CDKAL1: variants seen among roughly 807,000 people sequenced by gnomAD.
The protein encoded by CDKAL1 is threonylcarbamoyladenosine tRNA methylthiotransferase.
In CDKAL1, 32 loss-of-function variants were observed where a neutral mutation model predicts 68.2. The ratio of observed to expected loss-of-function variants is 0.47; its 90% CI spans 0.35 to 0.63. The LOEUF is 0.63. Ranked by LOEUF, CDKAL1 falls within the 30% of genes least tolerant of loss-of-function variation. The pLI is 0.00. For synonymous variants in CDKAL1, 234 were observed against 244.3 expected, an observed-to-expected ratio of 0.96 and a Z score of 0.39; for missense variants, 606 against 696.7, an observed-to-expected ratio of 0.87 and a Z score of 1.47.
intron 15 of CDKAL1, among the ~76,000 whole-genome samples, chr6:21,218,857 G>T (rs1258135070): frequency 6.6e-6 from 1 of 152,206 alleles, no homozygotes; most frequent in Non-Finnish European, 1.5e-5. Flanking sequence ...GATTACATAT[G>T]GGTGTGAATA....
At position 20,987,262 on chromosome 6, in the gene CDKAL1, C is replaced by CTTT. The variant is rs1392710913; in HGVS notation, c.910-12949_910-12947dup. 5.6e-3 allele frequency among the ~76,000 whole-genome samples: 761 copies of CTTT among 135,880 alleles called. 11 individuals are homozygous for CTTT. Among genetic ancestry groups the CTTT allele is most frequent in the African/African-American group, 0.019 (701 of 36,806 alleles). 89.1% of individuals were successfully genotyped at this position (135,880 alleles called of 152,430 possible). ...GTTATCTTTGCAGTTTGTCTGGAAA[C>CTTT]TTTTTTTTTTTTTTTTTTGAGACAG... On this transcript the variant is annotated intron_variant, in intron 10 of 15. Transcript: ENST00000274695.
At chr6:20,852,761 T>C (rs1014125876) in intron 9 of CDKAL1, among the ~76,000 whole-genome samples, 4 of 152,146 alleles carry the variant, frequency 2.6e-5, no homozygotes, top group Non-Finnish European at 5.9e-5. Flanking sequence ...CAACAAAGGG[T>C]ACCCTTTTTA....
intron 4 of CDKAL1, among the ~76,000 whole-genome samples, chr6:20,592,433 T>A (rs1765630620): frequency 6.6e-6 from 1 of 151,972 alleles, no homozygotes; most frequent in African/African-American, 2.4e-5. Flanking sequence ...AGGGCATCCT[T>A]GTCTTGTGTG....
intron 5 of CDKAL1, among the ~76,000 whole-genome samples, chr6:20,670,949 T>C (rs1366488937): frequency 6.6e-6 from 1 of 152,218 alleles, no homozygotes; most frequent in African/African-American, 2.4e-5. Context: ...GTTGAGGTTG[T>C]CTGATATTTC....
intron 11 of CDKAL1, among the ~76,000 whole-genome samples, chr6:21,057,030 G>C (rs1476224156): frequency 1.3e-5 from 2 of 152,176 alleles, no homozygotes; most frequent in African/African-American, 4.8e-5. Context: ...GATGATGCTG[G>C]CCTCATAAAA....
At chr6:21,038,588 A>G (rs1769724344) in intron 11 of CDKAL1, among the ~76,000 whole-genome samples, 1 of 152,250 alleles carries the variant, frequency 6.6e-6, no homozygotes. Flanking sequence ...CTAACTTATC[A>G]TAGCAAGCTT....
chr6:20,824,393 G>C (rs1777412856), intron 8 of CDKAL1, among the ~76,000 whole-genome samples: 1 of 152,112 alleles, frequency 6.6e-6, no homozygotes, highest in Non-Finnish European at 1.5e-5. Flanking sequence ...AGGGTCCTCT[G>C]CCAGGCTGCA....
intron 13 of CDKAL1, among the ~76,000 whole-genome samples, chr6:21,130,079 T>G (rs1225269274): frequency 6.6e-6 from 1 of 151,830 alleles, no homozygotes; most frequent in Admixed American, 6.6e-5. Flanking sequence ...TTTTGGGGGG[T>G]TTTTTGTCAT....
rs6907731 is a variant in CDKAL1 at position 20,646,968 on chromosome 6, C to T, written c.287-2325C>T. ...TCATGTTGGCCAGGCTGGTCTCGAA[C>T]TCCTAACCTCAGGTGATCCACCCGC... On this transcript the variant is annotated intron_variant, in intron 4 of 15. Coordinates refer to ENST00000274695, the MANE Select transcript of CDKAL1 (RefSeq NM_017774.3). 0.014 allele frequency among the ~76,000 whole-genome samples: 2,085 copies of T among 152,240 alleles called. 82 individuals are homozygous for T. In the East Asian group the frequency reaches 0.15, roughly 11 times the overall value.
chr6:21,108,298 A>G, intron 12 of CDKAL1, 103 bp from the exon 13 acceptor site: 1 of 624,770 alleles, frequency 1.6e-6, no homozygotes, highest in Non-Finnish European at 2.6e-6. Context: ...AAAAAAAAAA[A>G]CTTTATGTAT....
At chr6:20,684,498 A>G (rs948035266) in intron 5 of CDKAL1, among the ~76,000 whole-genome samples, 2 of 152,208 alleles carry the variant, frequency 1.3e-5, no homozygotes, top group Admixed American at 6.5e-5. Flanking sequence ...TTTTATATGG[A>G]CATAAGTTGT....
chr6:20,926,042 G>T (rs1455337323), intron 9 of CDKAL1, among the ~76,000 whole-genome samples: 2 of 152,110 alleles, frequency 1.3e-5, no homozygotes, highest in South Asian at 4.1e-4. Flanking sequence ...TTCTGAAGAT[G>T]ATATTGTTAG....
intron 8 of CDKAL1, among the ~76,000 whole-genome samples, chr6:20,782,032 T>C (rs1775453799): frequency 6.6e-6 from 1 of 152,222 alleles, no homozygotes; most frequent in East Asian, 1.9e-4. Flanking sequence ...TTTCCTTCTG[T>C]TCTGCTCTTT....
At chr6:20,611,514 T>C (rs1345680680) in intron 4 of CDKAL1, among the ~76,000 whole-genome samples, 1 of 152,232 alleles carries the variant, frequency 6.6e-6, no homozygotes, top group Non-Finnish European at 1.5e-5. Flanking sequence ...ATGTTTGTTA[T>C]GTATTTCAGT....
At chr6:21,156,699 T>C (rs1194681734) in intron 13 of CDKAL1, among the ~76,000 whole-genome samples, 7 of 152,056 alleles carry the variant, frequency 4.6e-5, no homozygotes, top group Non-Finnish European at 1.0e-4. Flanking sequence ...GTAAGGAAGA[T>C]AGTGAGACAT....
At chr6:20,690,498 G>A (rs988353168) in intron 5 of CDKAL1, among the ~76,000 whole-genome samples, 4 of 152,060 alleles carry the variant, frequency 2.6e-5, no homozygotes, top group Non-Finnish European at 4.4e-5. Context: ...CCTTACTACC[G>A]CAGTGTGTGA....
At chr6:21,140,992 A>T (rs1049245878) in intron 13 of CDKAL1, among the ~76,000 whole-genome samples, 9 of 152,094 alleles carry the variant, frequency 5.9e-5, no homozygotes, top group Non-Finnish European at 1.2e-4. Flanking sequence ...AGACTTATTC[A>T]CTATCACGAG....
At chr6:20,720,287 C>T (rs114912630) in intron 5 of CDKAL1, among the ~76,000 whole-genome samples, 1,556 of 152,130 alleles carry the variant, frequency 0.01, 28 homozygotes, top group African/African-American at 0.036. Flanking sequence ...AAAAAATTTG[C>T]ACAAATTTGT....
At chr6:20,976,294 A>G (rs1429866899) in intron 10 of CDKAL1, among the ~76,000 whole-genome samples, 1 of 152,206 alleles carries the variant, frequency 6.6e-6, no homozygotes, top group Non-Finnish European at 1.5e-5. Flanking sequence ...TTATGATTAA[A>G]TATTATTAAA....
Sources: allele counts gnomAD v4.1 joint callset (sites outside exome capture counted in the v4.1 genomes callset), GRCh38; gene constraint gnomAD v4.1.1; transcripts MANE v1.5; gene names NCBI Gene and HGNC (gene_info 2026-07-23, HGNC 2026-07-21).